Variants in WWOX observed in about 807,000 individuals in gnomAD.
WWOX encodes WW domain-containing oxidoreductase.
In WWOX, 69 loss-of-function variants were observed where a neutral mutation model predicts 46.2. That is an observed-to-expected ratio of 1.49 (90% CI 1.23 to 1.82). The LOEUF (loss-of-function observed/expected upper bound fraction) is 1.82, where lower values mean the gene tolerates loss of function less well. Among genes scored for constraint, WWOX ranks in the 40% most tolerant of loss-of-function variants. The pLI, the probability that WWOX is intolerant of heterozygous loss-of-function variation, is 0.00. For missense variants in WWOX, 919 were observed against 542.6 expected (o/e 1.69, Z -6.89); for synonymous variants, 359 against 202.6 (o/e 1.77, Z -6.56).
chr16:78,558,346 G>A (rs539145448), intron 8 of WWOX, among the ~76,000 whole-genome samples: 1 of 152,198 alleles, frequency 6.6e-6, no homozygotes, highest in African/African-American at 2.4e-5. Context: ...AGTTTGTTTT[G>A]GATTTTTTAA....
intron 8 of WWOX, among the ~76,000 whole-genome samples, chr16:78,917,053 C>A (rs959071585): frequency 6.6e-6 from 1 of 152,168 alleles, no homozygotes; most frequent in African/African-American, 2.4e-5. Flanking sequence ...GTTGACTCTT[C>A]TAAACCACAT....
intron 5 of WWOX, among the ~76,000 whole-genome samples, chr16:78,223,328 A>G (rs2036951450): frequency 1.3e-5 from 2 of 152,158 alleles, no homozygotes; most frequent in South Asian, 4.1e-4. Flanking sequence ...ATCCTACAAC[A>G]GAGAATTGTC....
At chr16:78,131,709 G>A (rs142360697) in intron 4 of WWOX, among the ~76,000 whole-genome samples, 3,017 of 151,894 alleles carry the variant, frequency 0.02, 112 homozygotes, top group African/African-American at 0.07. Flanking sequence ...AGCCTCCTGA[G>A]TAGCTGGGAT....
At chr16:78,489,690 C>T (rs956162287) in intron 8 of WWOX, among the ~76,000 whole-genome samples, 2 of 152,112 alleles carry the variant, frequency 1.3e-5, no homozygotes, top group Admixed American at 6.6e-5. Flanking sequence ...GGCTGTGGGG[C>T]GCCTGAGCTG....
At chr16:78,330,555 G>A (rs1054567209) in intron 5 of WWOX, among the ~76,000 whole-genome samples, 24 of 152,066 alleles carry the variant, frequency 1.6e-4, no homozygotes, top group African/African-American at 5.8e-4. Flanking sequence ...TGCCACCACC[G>A]CCAGCTAATT....
intron 8 of WWOX, among the ~76,000 whole-genome samples, chr16:78,870,663 G>T (rs190258763): frequency 6.6e-6 from 1 of 152,048 alleles, no homozygotes; most frequent in African/African-American, 2.4e-5. Flanking sequence ...GTGCGGTGGT[G>T]CGATCTTGCC....
rs116893875 is a variant in WWOX, at chr16:79,208,820, G to A, written c.1057-2788G>A. Among the ~76,000 whole-genome samples the A allele has an allele frequency of 6.1e-3, 935 of 152,296 alleles. 4 individuals are homozygous for A. The highest frequency in any genetic ancestry group is 9.1e-3 in the Non-Finnish European group (622 of 68,026). ...TGATCATATTAAGATGTCACTCAGAGGTTGCCATTGGTACGGCTGAAAATT... is the reference window on the plus strand; with the variant it reads ...TGATCATATTAAGATGTCACTCAGAAGTTGCCATTGGTACGGCTGAAAATT... On this transcript the variant is annotated intron_variant, in intron 8 of 8. Coordinates refer to ENST00000566780, the MANE Select transcript of WWOX (RefSeq NM_016373.4).
chr16:79,185,051 G>C (rs1281315555), intron 8 of WWOX, among the ~76,000 whole-genome samples: 1 of 152,150 alleles, frequency 6.6e-6, no homozygotes, highest in Non-Finnish European at 1.5e-5. Flanking sequence ...CTCACCTTCT[G>C]GTCCTTTTGT....
Position 78,460,877 on chromosome 16 carries a change from G to C in WWOX, c.1056+28125G>C, listed in dbSNP as rs935274993. On this transcript the variant is annotated intron_variant, in intron 8 of 8. Coordinates refer to ENST00000566780, the MANE Select transcript of WWOX (RefSeq NM_016373.4). ...ACACATCACTTGCACCTCAGTGTGA[G>C]TTTGAAAGTGTTTTCTCTGGAGAAT... Among the ~76,000 whole-genome samples, 5 of 152,344 alleles carry C rather than the reference G, an allele frequency of 3.3e-5. No individual in the cohort carries two copies. The South Asian group carries it at 8.3e-4, about 25-fold the overall frequency.
chr16:78,768,157 C>CG (rs55924702), intron 8 of WWOX, among the ~76,000 whole-genome samples: 1 of 148,544 alleles, frequency 6.7e-6, no homozygotes, highest in East Asian at 2.0e-4. Context: ...GGCTGCGGGG[C>CG]GGGGGGGTCG....
chr16:78,199,735 TA>T (rs1029123225), intron 5 of WWOX, among the ~76,000 whole-genome samples: 1 of 151,952 alleles, frequency 6.6e-6, no homozygotes, highest in Non-Finnish European at 1.5e-5. Context: ...CCCCTTCCCA[TA>T]AAAAAAATCA....
At chr16:79,012,750 G>A (rs561902637) in intron 8 of WWOX, among the ~76,000 whole-genome samples, 1 of 152,154 alleles carries the variant, frequency 6.6e-6, no homozygotes, top group Non-Finnish European at 1.5e-5. Flanking sequence ...TCCTCCCCTG[G>A]TGGCCAGCCA....
chr16:78,927,766 A>G (rs2045532201), intron 8 of WWOX, among the ~76,000 whole-genome samples: 1 of 152,174 alleles, frequency 6.6e-6, no homozygotes, highest in Non-Finnish European at 1.5e-5. Flanking sequence ...TCATTGCTCC[A>G]GCGTGGGGGA....
At chr16:79,003,131 T>G (rs68154713) in intron 8 of WWOX, among the ~76,000 whole-genome samples, 21,775 of 152,214 alleles carry the variant, frequency 0.14, 1,746 homozygotes, top group Middle Eastern at 0.26. Flanking sequence ...TGAGCAGAGA[T>G]AAGCCTCTCC....
intron 8 of WWOX, among the ~76,000 whole-genome samples, chr16:78,988,109 G>T (rs977320600): frequency 6.6e-6 from 1 of 152,010 alleles, no homozygotes; most frequent in Non-Finnish European, 1.5e-5. Flanking sequence ...TTGGGAGGCC[G>T]AGGCTGGTGG....
At chr16:78,711,539 C>G (rs532043352) in intron 8 of WWOX, among the ~76,000 whole-genome samples, 8 of 152,056 alleles carry the variant, frequency 5.3e-5, no homozygotes, top group African/African-American at 9.7e-5. Flanking sequence ...AAAGGCCAGC[C>G]GCAAAGATTG....
intron 6 of WWOX, 108 bp downstream of exon 6, chr16:78,387,056 C>G (rs1340456578): frequency 8.7e-6 from 10 of 1,146,746 alleles, no homozygotes; most frequent in Non-Finnish European, 1.3e-5. Flanking sequence ...GTCTTGGCGT[C>G]CAAACAGGAG....
At chr16:78,966,520 T>A (rs534768930) in intron 8 of WWOX, among the ~76,000 whole-genome samples, 1 of 152,194 alleles carries the variant, frequency 6.6e-6, no homozygotes, top group Non-Finnish European at 1.5e-5. Context: ...TAGTTTTTTT[T>A]TTAACTCTTC....
At chr16:78,353,496 TC>T (rs1163153246) in intron 5 of WWOX, among the ~76,000 whole-genome samples, 2 of 152,228 alleles carry the variant, frequency 1.3e-5, no homozygotes, top group East Asian at 3.8e-4. Context: ...GTAGCACCTT[TC>T]TGTCCCTTCT....
Sources: gnomAD v4.1 joint callset for allele counts (sites outside exome capture counted in the v4.1 genomes callset) on GRCh38, gnomAD v4.1.1 for gene constraint, MANE v1.5 for transcripts, NCBI Gene and HGNC (gene_info 2026-07-23, HGNC 2026-07-21) for gene names.